The following CHL1 variants were observed in gnomAD, a reference collection of about 807,000 sequenced individuals.
CHL1 encodes the protein neural cell adhesion molecule L1-like protein.
A neutral mutation model predicts 141.9 loss-of-function variants in CHL1; 96 were observed. That is an observed-to-expected ratio of 0.68 (90% CI 0.57 to 0.80). The LOEUF is 0.80. Ranked by LOEUF, CHL1 falls within the 30% of genes least tolerant of loss-of-function variation. The pLI is 0.00. For missense variants in CHL1, 1,820 were observed against 1,457.2 expected (o/e 1.25, Z -4.05); for synonymous variants, 613 against 502.2 (o/e 1.22, Z -2.95).
intron 2 of CHL1, among the ~76,000 whole-genome samples, chr3:254,567 A>G (rs1693988334): frequency 6.6e-6 from 1 of 152,170 alleles, no homozygotes; most frequent in African/African-American, 2.4e-5. Context: ...AGGGCCTTAT[A>G]AGCCACGTAT....
At chr3:339,047 C>A (rs1444480405) in intron 5 of CHL1, among the ~76,000 whole-genome samples, 1 of 152,146 alleles carries the variant, frequency 6.6e-6, no homozygotes, top group African/African-American at 2.4e-5. Context: ...GGATTACATG[C>A]CCTTTCCATT....
intron 5 of CHL1, among the ~76,000 whole-genome samples, chr3:332,303 C>T (rs1420116722): frequency 6.6e-6 from 1 of 151,928 alleles, no homozygotes; most frequent in African/African-American, 2.4e-5. Flanking sequence ...GTAAAACTGA[C>T]TACAATTTTG....
At chr3:258,802 C>G in intron 2 of CHL1, among the ~76,000 whole-genome samples, 1 of 151,660 alleles carries the variant, frequency 6.6e-6, no homozygotes, top group East Asian at 1.9e-4. Flanking sequence ...TATCATACTT[C>G]TTTATCCATA....
chr3:233,206 C>T (rs1427586581), intron 1 of CHL1, among the ~76,000 whole-genome samples: 1 of 152,162 alleles, frequency 6.6e-6, no homozygotes, highest in Non-Finnish European at 1.5e-5. Context: ...TAGGGCTCTT[C>T]ACATTCTGTG....
In CHL1 at chr3:322,069, T is replaced by A. The variant is rs188195518; in HGVS notation, c.91+2202T>A. Among the ~76,000 whole-genome samples, 433 of 152,194 alleles carry A rather than the reference T, an allele frequency of 2.8e-3. 2 individuals are homozygous for A. The highest frequency in any genetic ancestry group is 6.8e-3 in the Middle Eastern group (2 of 294). On this transcript the variant is annotated intron_variant, in intron 3 of 27. Transcript: ENST00000256509. Reference sequence around the variant, plus strand: ...TCTAAGGGACTGTGGCCACTGTGTATCATCCCTCACCGTTTATAACTGCAA... The same window carrying A: ...TCTAAGGGACTGTGGCCACTGTGTAACATCCCTCACCGTTTATAACTGCAA...
intron 2 of CHL1, among the ~76,000 whole-genome samples, chr3:256,553 A>C (rs1199148232): frequency 6.6e-6 from 1 of 152,192 alleles, no homozygotes; most frequent in East Asian, 1.9e-4. Context: ...TGAGGGAGAG[A>C]CTTGCACCTG....
intron 2 of CHL1, among the ~76,000 whole-genome samples, chr3:311,653 G>C (rs1277381624): frequency 1.3e-5 from 2 of 152,166 alleles, no homozygotes; most frequent in Non-Finnish European, 2.9e-5. Flanking sequence ...TTATGAGCTG[G>C]CCATGTGGGA....
intron 8 of CHL1, among the ~76,000 whole-genome samples, 160 bp from the exon 9 acceptor site, chr3:344,429 G>C (rs1054499734): frequency 6.6e-6 from 1 of 151,208 alleles, no homozygotes; most frequent in Admixed American, 6.6e-5. Flanking sequence ...GAGAGAAGAG[G>C]AGTCTATTTA....
At chr3:367,793 C>A (rs1344636595) in intron 15 of CHL1, among the ~76,000 whole-genome samples, 1 of 152,122 alleles carries the variant, frequency 6.6e-6, no homozygotes, top group Non-Finnish European at 1.5e-5. Flanking sequence ...CTCCCCTTGC[C>A]CTCCACACCC....
At chr3:219,314 C>G (rs182650320) in intron 1 of CHL1, among the ~76,000 whole-genome samples, 1 of 152,040 alleles carries the variant, frequency 6.6e-6, no homozygotes, top group Non-Finnish European at 1.5e-5. Flanking sequence ...CCTGCAATCC[C>G]ATTACTATAT....
chr3:320,348 G>C (rs1700464703), intron 3 of CHL1, among the ~76,000 whole-genome samples: 1 of 152,008 alleles, frequency 6.6e-6, no homozygotes, highest in East Asian at 1.9e-4. Context: ...AAAAGTATAA[G>C]ATGATATGAA....
chr3:312,038 A>C (rs1041851490), intron 2 of CHL1, among the ~76,000 whole-genome samples: 1 of 152,222 alleles, frequency 6.6e-6, no homozygotes, highest in Admixed American at 6.5e-5. Context: ...GTGGGAAAAC[A>C]AAAACATGTA....
Position 390,800 on chromosome 3 carries a change from G to T in CHL1, c.2570G>T (p.Arg857Leu), listed in dbSNP as rs1178197923. Residue 857 changes from arginine (R) to leucine (L), a missense_variant, in exon 21 of 28, where the codon CGT (arginine) becomes CTT (leucine). Coordinates refer to ENST00000256509, the MANE Select transcript of CHL1 (RefSeq NM_006614.4). ...GTTCCAAAGGACAGAGTACATGGAC[G>T]TCTGAAAGGCTATCAGGTTTTTATC... ...STVPKDRVHG[R>L]LKGYQINWWK... 1.9e-6 allele frequency: 3 copies of T among 1,603,138 alleles called. No individual in the cohort carries two copies. The highest frequency in any genetic ancestry group is 2.6e-6 in the Non-Finnish European group (3 of 1,170,234).
chr3:407,422 A>G lies in CHL1; in HGVS notation c.*1711A>G, dbSNP rs1709596972. Reference sequence around the variant, plus strand: ...TGTATAGACAGGAAAAGCATGTCTTATTTAAAACTGTAATTTATGGGCTCA... The same window carrying G: ...TGTATAGACAGGAAAAGCATGTCTTGTTTAAAACTGTAATTTATGGGCTCA... On this transcript the variant is annotated 3_prime_UTR_variant, in exon 28 of 28. Coordinates refer to ENST00000256509, the MANE Select transcript of CHL1 (RefSeq NM_006614.4). 1 of 152,120 alleles carries G rather than the reference A, an allele frequency of 6.6e-6. No individual in the cohort carries two copies. Among genetic ancestry groups the G allele is most frequent in the African/African-American group, 2.4e-5 (1 of 41,424 alleles). The allele number at this position is 152,120 out of a possible 1,614,324, so 9.4% of individuals were successfully genotyped here.
At chr3:330,066 C>A (rs751064996) in intron 5 of CHL1, among the ~76,000 whole-genome samples, 3 of 151,924 alleles carry the variant, frequency 2.0e-5, no homozygotes, top group Non-Finnish European at 4.4e-5. Context: ...AATATTGTAA[C>A]TAACACGGCA....
At chr3:352,547 T>C (rs561511057) in intron 10 of CHL1, among the ~76,000 whole-genome samples, 1 of 152,260 alleles carries the variant, frequency 6.6e-6, no homozygotes, top group Admixed American at 6.5e-5. Context: ...CCATATGTCT[T>C]AGGATAATAG....
At chr3:245,731 T>A (rs1395305945) in intron 2 of CHL1, among the ~76,000 whole-genome samples, 3 of 152,038 alleles carry the variant, frequency 2.0e-5, no homozygotes, top group Admixed American at 2.0e-4. Flanking sequence ...AGATAGAAAA[T>A]CTTGGCTTTA....
intron 1 of CHL1, among the ~76,000 whole-genome samples, chr3:209,128 A>G (rs1699687738): frequency 6.6e-6 from 1 of 152,232 alleles, no homozygotes; most frequent in Admixed American, 6.5e-5. Flanking sequence ...AGCAACCTAG[A>G]TCTCTTTCTT....
intron 15 of CHL1, among the ~76,000 whole-genome samples, chr3:375,826 AT>A (rs1404136486): frequency 6.6e-5 from 10 of 152,142 alleles, no homozygotes; most frequent in Non-Finnish European, 1.3e-4. Flanking sequence ...ACAAATAATA[AT>A]TGATGGAACT....
Sources: gnomAD v4.1 joint callset for allele counts (sites outside exome capture counted in the v4.1 genomes callset) on GRCh38, gnomAD v4.1.1 for gene constraint, MANE v1.5 for transcripts, NCBI Gene and HGNC (gene_info 2026-07-23, HGNC 2026-07-21) for gene names.